The following UCN3 variants were observed in gnomAD, a reference collection of about 807,000 sequenced individuals.
UCN3 encodes the protein urocortin 3, also known as urocortin-3.
A neutral mutation model predicts 3.6 loss-of-function variants in UCN3; 3 were observed. The ratio of observed to expected loss-of-function variants is 0.83; its 90% CI spans 0.38 to 2.15. The LOEUF (loss-of-function observed/expected upper bound fraction) is 2.15. Among genes scored for constraint, UCN3 ranks in the 30% most tolerant of loss-of-function variants. UCN3 has a pLI of 0.06. For missense variants in UCN3, 206 were observed against 208.3 expected, an observed-to-expected ratio of 0.99 and a Z score of 0.07; for synonymous variants, 100 against 93.2, an observed-to-expected ratio of 1.07 and a Z score of -0.42.
intron 1 of UCN3, among the ~76,000 whole-genome samples, chr10:5,368,590 G>A (rs1235543730): frequency 6.6e-6 from 1 of 152,162 alleles, no homozygotes; most frequent in African/African-American, 2.4e-5. Flanking sequence ...GGGACAGAGA[G>A]ACAAAGTTTC....
rs1298679817 is a variant in UCN3 at position 5,365,902 on chromosome 10, C to T, written c.-7+672C>T. On this transcript the variant is annotated intron_variant, in intron 1 of 1. Coordinates refer to ENST00000380433, the MANE Select transcript of UCN3 (RefSeq NM_053049.4). The surrounding 1 kb of genome is among the most constrained non-coding windows in gnomAD (Gnocchi z 4.4). ...GGGTGTGTGCAGATACCTACAATGG[C>T]TAACTCCTACCTGTGAAGGGGAGAT... 6.6e-6 allele frequency among the ~76,000 whole-genome samples: 1 copy of T among 152,206 alleles called. No individual in the cohort carries two copies. The highest frequency in any genetic ancestry group is 2.4e-5 in the African/African-American group (1 of 41,448).
intron 1 of UCN3, among the ~76,000 whole-genome samples, chr10:5,371,789 A>C (rs1202567385): frequency 6.6e-6 from 1 of 152,232 alleles, no homozygotes; most frequent in African/African-American, 2.4e-5. Flanking sequence ...TTACTTACCC[A>C]ATTGTTCTTA....
intron 1 of UCN3, among the ~76,000 whole-genome samples, chr10:5,371,965 A>G (rs565818970): frequency 1.5e-4 from 23 of 152,300 alleles, no homozygotes; most frequent in African/African-American, 4.6e-4. Context: ...CACTGCTTCT[A>G]TCTCACAGGA....
chr10:5,366,896 C>T lies in UCN3; in HGVS notation c.-7+1666C>T, dbSNP rs1477220985. ...ACCTGCAGATGCACCAAGAACAGAG[C>T]GCCACGCAGGACACTTGCTCCCTGA... On this transcript the variant is annotated intron_variant, in intron 1 of 1. Transcript: ENST00000380433. This position sits in a 1 kb window ranked among gnomAD's most constrained non-coding sequence, Gnocchi z 4.2. Among the ~76,000 whole-genome samples, 2 of 152,182 alleles carry T rather than the reference C, an allele frequency of 1.3e-5. No individual in the cohort carries two copies. The highest frequency in any genetic ancestry group is 4.8e-5 in the African/African-American group (2 of 41,438).
chr10:5,370,681 GTGTGTATGTGTGTA>G (rs1340240081), intron 1 of UCN3, among the ~76,000 whole-genome samples: 1 of 97,892 alleles, frequency 1.0e-5, no homozygotes, highest in African/African-American at 3.6e-5. Flanking sequence ...GTGTATGTGT[GTGTGTATGTGTGTA>G]TATGTGTGTG....
intron 1 of UCN3, among the ~76,000 whole-genome samples, chr10:5,371,204 A>G (rs1564444039): frequency 6.7e-6 from 1 of 148,756 alleles, no homozygotes; most frequent in Non-Finnish European, 1.5e-5. Context: ...TGAGGTGTGT[A>G]TGTGTGCATA....
rs797033522 is a variant in UCN3, at chr10:5,370,361, A to G, written c.-6-3354A>G. Among the ~76,000 whole-genome samples, 26 of 47,722 alleles carry G rather than the reference A, an allele frequency of 5.4e-4. 8 individuals carry two copies. The highest frequency in any genetic ancestry group is 4.0e-3 in the Admixed American group (20 of 4,962). 31.3% of individuals were successfully genotyped at this position (47,722 alleles called of 152,430 possible). On this transcript the variant is annotated intron_variant, in intron 1 of 1. Coordinates refer to ENST00000380433, the MANE Select transcript of UCN3 (RefSeq NM_053049.4). The stretch of plus-strand genomic sequence containing the variant: ...TATATGCGTGTGTATATGTGTGTGT[A>G]TATGCGTGTGTATATGCGTGTATAT...
intron 1 of UCN3, among the ~76,000 whole-genome samples, chr10:5,370,862 C>CGCGTGTGTGTGCGTGTGTGTGTGCGTGT (rs1481819542): frequency 2.2e-5 from 1 of 45,332 alleles, no homozygotes; most frequent in African/African-American, 9.6e-5. Context: ...CGTGTGTGTG[C>CGCGTGTGTGTGCGTGTGTGTGTGCGTGT]GTGTGTATGT....
intron 1 of UCN3, among the ~76,000 whole-genome samples, chr10:5,370,257 A>G (rs376918483): frequency 0.043 from 1,253 of 29,282 alleles, 140 homozygotes; most frequent in Middle Eastern, 0.059. Flanking sequence ...ATGCGTGTGT[A>G]TATGCGTGTG....
intron 1 of UCN3, among the ~76,000 whole-genome samples, chr10:5,370,460 T>TGC (rs782575453): frequency 4.0e-4 from 35 of 87,594 alleles, no homozygotes; most frequent in South Asian, 2.5e-3. Flanking sequence ...TGTGTGTATA[T>TGC]GTGTGTATAT....
At position 5,373,751 on chromosome 10, in the gene UCN3, C is replaced by T. The variant is rs782802876; in HGVS notation, c.31C>T (p.Leu11=). Reference sequence around the variant, plus strand: ...GATGCCGGTCCACTTCCTGCTGCTCCTGCTGCTGCTCCTGGGGGGCCCCAG... The same window carrying T: ...GATGCCGGTCCACTTCCTGCTGCTCTTGCTGCTGCTCCTGGGGGGCCCCAG... MLMPVHFLLL[L]LLLLGGPRTG... is the part of the protein sequence containing the mutation. Residue 11 remains leucine, a synonymous_variant, in exon 2 of 2, where the codon CTG becomes TTG. Coordinates refer to ENST00000380433, the MANE Select transcript of UCN3 (RefSeq NM_053049.4). The T allele has an allele frequency of 1.9e-6, 3 of 1,613,862 alleles. No homozygotes were observed. The highest frequency in any genetic ancestry group is 2.7e-5 in the African/African-American group (2 of 74,960).
In UCN3 at chr10:5,367,111, A is replaced by G. The variant is rs1588397872; in HGVS notation, c.-7+1881A>G. On this transcript the variant is annotated intron_variant, in intron 1 of 1. Transcript: ENST00000380433. The surrounding 1 kb of genome is among the most constrained non-coding windows in gnomAD (Gnocchi z 4.3). ...AAAGGGATCTCACTCCCTCTCCCCA[A>G]TGCCTTGCTTTTGTAACTGAGATGA... 6.6e-6 allele frequency among the ~76,000 whole-genome samples: 1 copy of G among 152,238 alleles called. No individual in the cohort carries two copies. The highest frequency in any genetic ancestry group is 2.4e-5 in the African/African-American group (1 of 41,468).
At chr10:5,370,851 G>GTATATGTGTGTATA (rs1564443660) in intron 1 of UCN3, among the ~76,000 whole-genome samples, 1 of 29,582 alleles carries the variant, frequency 3.4e-5, no homozygotes, top group Non-Finnish European at 7.1e-5. Context: ...GTGTGTGTGC[G>GTATATGTGTGTATA]CGTGTGTGTG....
At chr10:5,371,457 C>G (rs1831427548) in intron 1 of UCN3, among the ~76,000 whole-genome samples, 1 of 151,992 alleles carries the variant, frequency 6.6e-6, no homozygotes, top group South Asian at 2.1e-4. Context: ...GTGTCTGTTT[C>G]CAGGGTAAGT....
chr10:5,368,385 C>T (rs1831281065), intron 1 of UCN3, among the ~76,000 whole-genome samples: 1 of 152,124 alleles, frequency 6.6e-6, no homozygotes, highest in South Asian at 2.1e-4. Context: ...TTTCATTCTC[C>T]CAGTGCTTTT....
intron 1 of UCN3, 125 bp from the exon 2 acceptor site, chr10:5,373,590 G>A (rs1831457887): frequency 7.0e-7 from 1 of 1,437,262 alleles, no homozygotes. Context: ...CTGCTGGTCT[G>A]GGGGTCATAC....
At position 5,370,387 on chromosome 10, in the gene UCN3, G is replaced by GTGTGTGTATA. The variant is rs1564442867; in HGVS notation, c.-6-3328_-6-3327insTGTGTGTATA. ...TATGCGTGTGTATATGCGTGTATAT[G>GTGTGTGTATA]CGTGTGTATATGTGTGTGTATATGT... On this transcript the variant is annotated intron_variant, in intron 1 of 1. Transcript: ENST00000380433. 6.3e-5 allele frequency among the ~76,000 whole-genome samples: 2 copies of GTGTGTGTATA among 31,498 alleles called. 1 individual carries two copies. The highest frequency in any genetic ancestry group is 1.6e-3 in the East Asian group (2 of 1,278). The allele number at this position is 31,498 out of a possible 152,430, so 20.7% of individuals were successfully genotyped here.
In UCN3 at chr10:5,370,669, GTGTGTA is replaced by G. The variant is rs1402071562; in HGVS notation, c.-6-3040_-6-3035del. 9.2e-5 allele frequency among the ~76,000 whole-genome samples: 10 copies of G among 108,680 alleles called. 1 individual carries two copies. Among genetic ancestry groups the G allele is most frequent in the African/African-American group, 2.1e-4 (6 of 29,118 alleles). 71.3% of individuals were successfully genotyped at this position (108,680 alleles called of 152,430 possible). A position where few individuals can be genotyped will look rare whatever the true frequency, so the allele number is the denominator to read the frequency against. On this transcript the variant is annotated intron_variant, in intron 1 of 1. Transcript: ENST00000380433. Reference sequence around the variant, plus strand: ...TATGTGTGTGTATGTGTGTGTATGTGTGTGTATGTGTGTGTGTATGTGTGTATATGT... The same window carrying G: ...TATGTGTGTGTATGTGTGTGTATGTGTGTGTGTGTGTATGTGTGTATATGT...
In UCN3 at chr10:5,365,705, C is replaced by G. The variant is rs1490370176; in HGVS notation, c.-7+475C>G. ...CACAAACCTTCACCTGTGCCATCTC[C>G]CGTCACTCTCGGGCACACCTGTGAA... On this transcript the variant is annotated intron_variant, in intron 1 of 1. Transcript: ENST00000380433. The surrounding 1 kb of genome is among the most constrained non-coding windows in gnomAD (Gnocchi z 4.4). 6.6e-6 allele frequency among the ~76,000 whole-genome samples: 1 copy of G among 152,162 alleles called. No individual in the cohort carries two copies. The highest frequency in any genetic ancestry group is 2.4e-5 in the African/African-American group (1 of 41,434).
Sources: allele counts gnomAD v4.1 joint callset (sites outside exome capture counted in the v4.1 genomes callset), GRCh38; gene constraint gnomAD v4.1.1; non-coding constraint Gnocchi (gnomAD v3.1); transcripts MANE v1.5; gene names NCBI Gene and HGNC (gene_info 2026-07-23, HGNC 2026-07-21).